The following ARV1 variants were observed in gnomAD, a reference collection of about 807,000 sequenced individuals.
ARV1 encodes the protein ARV1 fatty acid homeostasis modulator, also known as protein ARV1.
In ARV1, 26 loss-of-function variants were observed where a neutral mutation model predicts 31.1. The observed-to-expected ratio is 0.84, with a 90% CI of 0.61 to 1.16. The LOEUF (loss-of-function observed/expected upper bound fraction) is 1.16, where lower values mean the gene tolerates loss of function less well. Among genes scored for constraint, ARV1 ranks in the 50% most tolerant of loss-of-function variants. ARV1 has a pLI of 0.00. For synonymous variants in ARV1, 117 were observed against 123.2 expected (o/e 0.95, Z 0.34); for missense variants, 281 against 324.9 (o/e 0.86, Z 1.04).
intron 1 of ARV1, among the ~76,000 whole-genome samples, chr1:230,986,666 CTATTTTTTTTTTTTTTTT>C (rs1679081670): frequency 5.0e-5 from 4 of 79,690 alleles, no homozygotes; most frequent in African/African-American, 1.7e-4. Flanking sequence ...AATACTTTTC[CTATTTTTTTTTTTTTTTT>C]TTTTTTTTTT....
rs111416209 is a variant in ARV1 at position 230,997,373 on chromosome 1, C to T, written c.*4+106C>T. ...TGCCCTTACATAACCCATTCTCTAGCGTCTAACTGCCTCTAGGTCACCCTC... is the reference window on the plus strand; with the variant it reads ...TGCCCTTACATAACCCATTCTCTAGTGTCTAACTGCCTCTAGGTCACCCTC... On this transcript the variant is annotated intron_variant, in intron 5 of 5. Coordinates refer to ENST00000310256, the MANE Select transcript of ARV1 (RefSeq NM_022786.3). The T allele has an allele frequency of 2.5e-5, 33 of 1,333,992 alleles. No individual in the cohort carries two copies. In the African/African-American group the frequency reaches 3.2e-4, roughly 13 times the overall value. The allele number at this position is 1,333,992 out of a possible 1,614,324, so 82.6% of individuals were successfully genotyped here.
chr1:230,995,819 G>A lies in ARV1; in HGVS notation c.508G>A (p.Ala170Thr), dbSNP rs867612455. 2.5e-6 allele frequency: 4 copies of A among 1,613,524 alleles called. No homozygotes were observed. Among genetic ancestry groups the A allele is most frequent in the African/African-American group, 1.3e-5 (1 of 74,756 alleles). ...CCTGTGGGTAGAACGGCCCATGACGGCAAAAAAAAAGCCCAACTTCATTTT... is the reference window on the plus strand; with the variant it reads ...CCTGTGGGTAGAACGGCCCATGACGACAAAAAAAAAGCCCAACTTCATTTT... ...TFLWVERPMTAKKKPNFILLL... is the reference protein window; with the variant it reads ...TFLWVERPMTTKKKPNFILLL... The change falls in exon 4 of 6, where the codon GCA becomes ACA. Residue 170 changes from alanine to threonine, a missense_variant. Coordinates refer to ENST00000310256, the MANE Select transcript of ARV1 (RefSeq NM_022786.3).
At chr1:230,991,757 G>A (rs568238276) in intron 3 of ARV1, among the ~76,000 whole-genome samples, 62 of 151,660 alleles carry the variant, frequency 4.1e-4, no homozygotes, top group Admixed American at 2.7e-3. Context: ...TTAGCCTCCC[G>A]AGTAGCTGGG....
chr1:230,992,347 CCT>C (rs1250776942), intron 3 of ARV1, among the ~76,000 whole-genome samples: 2 of 152,058 alleles, frequency 1.3e-5, no homozygotes, highest in East Asian at 3.8e-4. Flanking sequence ...TGCCTGTCCC[CCT>C]GATGCCCAGA....
At chr1:230,980,901 T>G in intron 1 of ARV1, among the ~76,000 whole-genome samples, 1 of 152,188 alleles carries the variant, frequency 6.6e-6, no homozygotes, top group South Asian at 2.1e-4. Context: ...TTTCCTAGTT[T>G]CTCTTGAACC....
In ARV1 at chr1:230,987,012, C is replaced by T. The variant is rs139336858; in HGVS notation, c.175-1308C>T. Reference sequence around the variant, plus strand: ...TGGTTTTTTCCTTATTAGTTGAGAACTTTCACCTTTTCACTTAAAGGATTT... The same window carrying T: ...TGGTTTTTTCCTTATTAGTTGAGAATTTTCACCTTTTCACTTAAAGGATTT... On this transcript the variant is annotated intron_variant, in intron 1 of 5. Transcript: ENST00000310256. Among the ~76,000 whole-genome samples, 152 of 152,232 alleles carry T rather than the reference C, an allele frequency of 1.0e-3. 1 individual carries two copies. Among genetic ancestry groups the T allele is most frequent in the African/African-American group, 3.4e-3 (140 of 41,542 alleles).
At position 230,990,249 on chromosome 1, in the gene ARV1, C is replaced by T. The variant is rs372883498; in HGVS notation, c.434C>T (p.Ala145Val). The T allele has an allele frequency of 1.3e-5, 21 of 1,612,298 alleles. No homozygotes were observed. Among genetic ancestry groups the T allele is most frequent in the Admixed American group, 5.1e-5 (3 of 59,340 alleles). The change falls in exon 3 of 6, where the codon GCG becomes GTG. Residue 145 changes from alanine to valine, a missense_variant. Physicochemically the swap from Ala to Val is moderately conservative, Grantham distance 64. Coordinates refer to ENST00000310256, the MANE Select transcript of ARV1 (RefSeq NM_022786.3). ...AKEWDFYRMF[A>V]IAALEQTAYF... ...GAATGGGATTTCTATAGAATGTTTG[C>T]GATTGCTGCTTTAGGTAAGGAGATG...
intron 1 of ARV1, among the ~76,000 whole-genome samples, chr1:230,979,845 A>G (rs973857421): frequency 1.3e-5 from 2 of 151,962 alleles, no homozygotes; most frequent in Non-Finnish European, 2.9e-5. Flanking sequence ...TAAGGCCCGA[A>G]TCCCTGAACT....
chr1:230,992,041 C>A (rs187658769), intron 3 of ARV1, among the ~76,000 whole-genome samples: 2,439 of 152,296 alleles, frequency 0.016, 28 homozygotes, highest in Non-Finnish European at 0.028. Context: ...TGTTTGCTAG[C>A]CCAGTTCTCC....
intron 3 of ARV1, 60 bp from the exon 4 acceptor site, chr1:230,995,700 T>C (rs767831216): frequency 6.1e-6 from 8 of 1,315,116 alleles, no homozygotes; most frequent in Non-Finnish European, 8.5e-6. Flanking sequence ...TTTATTTGTT[T>C]TTAAGGGGAT....
chr1:230,997,481 A>G (rs1270355798), intron 5 of ARV1, among the ~76,000 whole-genome samples: 1 of 151,926 alleles, frequency 6.6e-6, no homozygotes, highest in African/African-American at 2.4e-5. Context: ...ATCAACATCC[A>G]TGTTTTTGTT....
chr1:230,998,063 A>C (rs147646533), intron 5 of ARV1, among the ~76,000 whole-genome samples: 1 of 152,196 alleles, frequency 6.6e-6, no homozygotes, highest in Non-Finnish European at 1.5e-5. Context: ...GGTCTTCCTC[A>C]TTCTTTCCTC....
At chr1:230,982,488 T>C (rs888155249) in intron 1 of ARV1, among the ~76,000 whole-genome samples, 5 of 152,242 alleles carry the variant, frequency 3.3e-5, no homozygotes, top group African/African-American at 9.6e-5. Flanking sequence ...AAAATAATTA[T>C]TGGATAGCTG....
At chr1:230,984,736 A>C (rs1452554259) in intron 1 of ARV1, among the ~76,000 whole-genome samples, 2 of 152,258 alleles carry the variant, frequency 1.3e-5, no homozygotes, top group Non-Finnish European at 2.9e-5. Flanking sequence ...ACAGAGAGAT[A>C]AACAACTTAA....
chr1:230,992,999 A>C (rs904478671), intron 3 of ARV1, among the ~76,000 whole-genome samples: 1 of 152,262 alleles, frequency 6.6e-6, no homozygotes, highest in African/African-American at 2.4e-5. Flanking sequence ...ACATAATACT[A>C]CTGAAAACAT....
chr1:230,995,959 T>A lies in ARV1; in HGVS notation c.648T>A (p.Leu216=). 1 of 1,613,478 alleles carries A rather than the reference T, an allele frequency of 6.2e-7. No homozygotes were observed. Among genetic ancestry groups the A allele is most frequent in the East Asian group, 2.2e-5 (1 of 44,866 alleles). Residue 216 remains leucine, a synonymous_variant, in exon 4 of 6, where the codon CTT becomes CTA. Transcript: ENST00000310256. Reference sequence around the variant, plus strand: ...TCAAACTCATTAAAGTATTTGTTCTTACATCAAATTTTCAGGCAATTAGAG... The same window carrying A: ...TCAAACTCATTAAAGTATTTGTTCTAACATCAAATTTTCAGGCAATTAGAG... The part of the protein sequence containing the change: ...VCLKLIKVFV[L]TSNFQAIRVT...
At chr1:230,990,908 C>A (rs1237698304) in intron 3 of ARV1, among the ~76,000 whole-genome samples, 1 of 152,168 alleles carries the variant, frequency 6.6e-6, no homozygotes, top group Non-Finnish European at 1.5e-5. Context: ...ATTATCCAAT[C>A]TGAAAGTTAG....
chr1:230,990,892 G>C (rs1679211985), intron 3 of ARV1, among the ~76,000 whole-genome samples: 1 of 152,114 alleles, frequency 6.6e-6, no homozygotes, highest in African/African-American at 2.4e-5. Context: ...TAATGTTTAA[G>C]TTTTGATTAT....
intron 3 of ARV1, among the ~76,000 whole-genome samples, chr1:230,991,631 C>CT (rs35843547): frequency 0.12 from 16,509 of 132,994 alleles, 1,549 homozygotes; most frequent in African/African-American, 0.24. Flanking sequence ...AGTACTTCTA[C>CT]TTTTTTTTTT....
Sources: gnomAD v4.1 joint callset for allele counts (sites outside exome capture counted in the v4.1 genomes callset) on GRCh38, gnomAD v4.1.1 for gene constraint, MANE v1.5 for transcripts, NCBI Gene and HGNC (gene_info 2026-07-23, HGNC 2026-07-21) for gene names.